The following ABHD17C variants were observed in gnomAD, a reference collection of about 807,000 sequenced individuals.
The protein encoded by ABHD17C is alpha/beta hydrolase domain-containing protein 17C.
In ABHD17C, 11 loss-of-function variants were observed where a neutral mutation model predicts 27.9. The ratio of observed to expected loss-of-function variants is 0.39; its 90% confidence interval spans 0.25 to 0.65. The LOEUF (loss-of-function observed/expected upper bound fraction) is 0.65, where lower values mean the gene tolerates loss of function less well. Ranked by LOEUF, ABHD17C falls within the 30% of genes least tolerant of loss-of-function variation. The pLI, the probability that ABHD17C is intolerant of heterozygous loss-of-function variation, is 0.45. For synonymous variants in ABHD17C, 233 were observed against 209.1 expected (o/e 1.11, Z -0.98); for missense variants, 280 against 470.2 (o/e 0.60, Z 3.74).
chr15:80,720,851 G>A (rs1011962292), intron 1 of ABHD17C, among the ~76,000 whole-genome samples: 2 of 151,772 alleles, frequency 1.3e-5, no homozygotes, highest in Non-Finnish European at 2.9e-5. Flanking sequence ...AACCCGGGAG[G>A]TGGAGGTTGC....
intron 1 of ABHD17C, among the ~76,000 whole-genome samples, chr15:80,732,353 TA>T (rs1377744216): frequency 6.6e-6 from 1 of 152,234 alleles, no homozygotes; most frequent in Non-Finnish European, 1.5e-5. Context: ...TCTCCACGTT[TA>T]GTCCATATCC....
intron 1 of ABHD17C, among the ~76,000 whole-genome samples, chr15:80,706,562 G>A (rs7173751): frequency 0.32 from 48,528 of 152,086 alleles, 9,488 homozygotes; most frequent in Non-Finnish European, 0.45. Context: ...AAAATGTAAA[G>A]GAGCCTGTGT....
chr15:80,731,823 G>GA (rs906246229), intron 1 of ABHD17C, among the ~76,000 whole-genome samples: 1 of 152,202 alleles, frequency 6.6e-6, no homozygotes, highest in Non-Finnish European at 1.5e-5. Context: ...TGATGAGCAT[G>GA]AGCCAGATTT....
chr15:80,727,716 G>A (rs1043563742), intron 1 of ABHD17C, among the ~76,000 whole-genome samples: 2 of 151,940 alleles, frequency 1.3e-5, no homozygotes, highest in Non-Finnish European at 2.9e-5. Context: ...ATGACCAGTC[G>A]GGTGACATGT....
At chr15:80,720,552 T>C (rs928359637) in intron 1 of ABHD17C, among the ~76,000 whole-genome samples, 4 of 152,144 alleles carry the variant, frequency 2.6e-5, no homozygotes, top group African/African-American at 9.7e-5. Context: ...CTAAGGAAGC[T>C]TTTAGGATTT....
intron 1 of ABHD17C, among the ~76,000 whole-genome samples, chr15:80,702,380 T>C (rs187697311): frequency 9.9e-5 from 15 of 152,248 alleles, no homozygotes; most frequent in Admixed American, 5.2e-4. Flanking sequence ...CTGTAGTCTC[T>C]GAGCCCAGGA....
At chr15:80,712,249 T>G (rs934232411) in intron 1 of ABHD17C, among the ~76,000 whole-genome samples, 2 of 152,224 alleles carry the variant, frequency 1.3e-5, no homozygotes, top group African/African-American at 2.4e-5. Flanking sequence ...GTCGAAGGAC[T>G]GGGTTGAATC....
At chr15:80,717,271 A>AAAAAC (rs10644616) in intron 1 of ABHD17C, among the ~76,000 whole-genome samples, 19 of 145,276 alleles carry the variant, frequency 1.3e-4, no homozygotes, top group East Asian at 2.0e-4. Context: ...AAAAAAAAAA[A>AAAAAC]GAGTTTTGGC....
rs779184127 is a variant in ABHD17C, at chr15:80,695,400, C to A, written c.-30C>A. The A allele has an allele frequency of 3.4e-6, 4 of 1,192,154 alleles. No homozygotes were observed. Among genetic ancestry groups the A allele is most frequent in the Middle Eastern group, 3.4e-4 (1 of 2,950 alleles). 73.8% of individuals were successfully genotyped at this position (1,192,154 alleles called of 1,614,324 possible). ...CGGGCCAGCCAGCCAGCCAGCCAGC[C>A]GGGCCGGCGGCGGGCACCAGGCCGT... is the stretch of plus-strand genomic sequence containing the variant. On this transcript the variant is annotated 5_prime_UTR_variant, in exon 1 of 3. Coordinates refer to ENST00000258884, the MANE Select transcript of ABHD17C (RefSeq NM_021214.2). This position sits in a 1 kb window ranked among gnomAD's most constrained non-coding sequence, Gnocchi z 4.3.
At chr15:80,707,599 A>G (rs912145394) in intron 1 of ABHD17C, among the ~76,000 whole-genome samples, 3 of 152,032 alleles carry the variant, frequency 2.0e-5, no homozygotes, top group East Asian at 3.9e-4. Flanking sequence ...AAATCTCACA[A>G]TGTTTTAAGA....
rs1345973031 is a variant in ABHD17C at position 80,754,939 on chromosome 15, A to C, written c.*569A>C. The C allele has an allele frequency of 6.6e-6, 1 of 152,216 alleles. No individual in the cohort carries two copies. The highest frequency in any genetic ancestry group is 1.5e-5 in the Non-Finnish European group (1 of 68,060). The allele number at this position is 152,216 out of a possible 1,614,324, so 9.4% of individuals were successfully genotyped here. On this transcript the variant is annotated 3_prime_UTR_variant, in exon 3 of 3. Coordinates refer to ENST00000258884, the MANE Select transcript of ABHD17C (RefSeq NM_021214.2). ...CAGCTTCATCAACTGTAACCATATA[A>C]ATATAACTGGAATATTCTTAAACAA...
chr15:80,714,577 G>C (rs1894777900), intron 1 of ABHD17C, among the ~76,000 whole-genome samples: 1 of 152,114 alleles, frequency 6.6e-6, no homozygotes, highest in Admixed American at 6.5e-5. Context: ...GGCGGGGGGT[G>C]GACATCTAGA....
intron 1 of ABHD17C, among the ~76,000 whole-genome samples, chr15:80,736,624 C>G (rs11634851): frequency 0.32 from 48,592 of 152,084 alleles, 10,062 homozygotes; most frequent in Non-Finnish European, 0.47. Flanking sequence ...TTCACGTTAC[C>G]TTGTGTATTT....
intron 1 of ABHD17C, among the ~76,000 whole-genome samples, chr15:80,729,575 C>G (rs973926876): frequency 1.3e-5 from 2 of 152,036 alleles, no homozygotes; most frequent in Non-Finnish European, 2.9e-5. Context: ...AAAAACAGTT[C>G]TTGACTACCT....
intron 1 of ABHD17C, among the ~76,000 whole-genome samples, chr15:80,717,676 G>A (rs1894826585): frequency 6.6e-6 from 1 of 152,146 alleles, no homozygotes; most frequent in African/African-American, 2.4e-5. Context: ...GTGAGCCATT[G>A]TGCCCAGCTG....
At chr15:80,709,255 G>A (rs965271739) in intron 1 of ABHD17C, among the ~76,000 whole-genome samples, 1 of 151,906 alleles carries the variant, frequency 6.6e-6, no homozygotes, top group East Asian at 1.9e-4. Flanking sequence ...TTGGGAGGCC[G>A]AGGCGGACAG....
intron 1 of ABHD17C, among the ~76,000 whole-genome samples, chr15:80,743,616 C>T (rs1895240143): frequency 6.6e-6 from 1 of 152,112 alleles, no homozygotes; most frequent in African/African-American, 2.4e-5. Context: ...AGGTCTCACT[C>T]CCATCGCCCA....
intron 1 of ABHD17C, among the ~76,000 whole-genome samples, chr15:80,725,906 T>C (rs1894967300): frequency 1.3e-5 from 2 of 152,090 alleles, no homozygotes; most frequent in Non-Finnish European, 2.9e-5. Flanking sequence ...CCAGCGGCAC[T>C]AGAGGAATTA....
chr15:80,747,585 A>G lies in ABHD17C; in HGVS notation c.591-1928A>G, dbSNP rs566325521. 9.3e-4 allele frequency among the ~76,000 whole-genome samples: 142 copies of G among 152,246 alleles called. No homozygotes were observed. In the South Asian group the frequency reaches 0.011, roughly 12 times the overall value. On this transcript the variant is annotated intron_variant, in intron 1 of 2. Coordinates refer to ENST00000258884, the MANE Select transcript of ABHD17C (RefSeq NM_021214.2). ...TTTGGGCACAGGATGCTGCTGTATC[A>G]GTTGTTTCCTCAAACCTCCCCACCA...
Sources: gnomAD v4.1 joint callset for allele counts (sites outside exome capture counted in the v4.1 genomes callset) on GRCh38, gnomAD v4.1.1 for gene constraint, Gnocchi (gnomAD v3.1) non-coding constraint, MANE v1.5 for transcripts, NCBI Gene and HGNC (gene_info 2026-07-23, HGNC 2026-07-21) for gene names.